The following DNM2 variants were observed in gnomAD, a reference collection of about 807,000 sequenced individuals.
DNM2 encodes dynamin-2.
Under a neutral mutation model 99.0 loss-of-function variants are expected in DNM2, and 15 were observed. The observed-to-expected ratio is 0.15, with a 90% CI of 0.10 to 0.23. The LOEUF is 0.23. DNM2 is among the 10% of genes least tolerant of loss of function. The probability of loss-of-function intolerance (pLI) is 1.00; values close to 1 mark genes in which losing one functional copy is unlikely to be tolerated. For synonymous variants in DNM2, 525 were observed against 481.2 expected, an observed-to-expected ratio of 1.09 and a Z score of -1.19; for missense variants, 742 against 1,189.4, an observed-to-expected ratio of 0.62 and a Z score of 5.53.
intron 2 of DNM2, among the ~76,000 whole-genome samples, chr19:10,766,907 G>A (rs1185751796): frequency 1.3e-5 from 2 of 152,176 alleles, no homozygotes; most frequent in African/African-American, 2.4e-5. Flanking sequence ...CCTCTCTGAG[G>A]GGGCCCGGGC....
At chr19:10,769,869 C>G (rs1478471800) in intron 2 of DNM2, among the ~76,000 whole-genome samples, 2 of 152,226 alleles carry the variant, frequency 1.3e-5, no homozygotes, top group African/African-American at 2.4e-5. Context: ...GAGTCTCCCC[C>G]TGACCCTGCA....
At chr19:10,806,086 C>G in intron 13 of DNM2, 119 bp downstream of exon 13, 1 of 1,258,278 alleles carries the variant, frequency 7.9e-7, no homozygotes, top group South Asian at 1.2e-5. Flanking sequence ...GCCTCAGTAC[C>G]AGGCCATCTG....
chr19:10,759,077 G>A (rs57503658), intron 1 of DNM2, among the ~76,000 whole-genome samples: 1 of 152,184 alleles, frequency 6.6e-6, no homozygotes, highest in African/African-American at 2.4e-5. Context: ...TAGTAGCTGG[G>A]ATCACAGGCG....
At position 10,816,817 on chromosome 19, in the gene DNM2, A is replaced by C. The variant is rs1173541070; in HGVS notation, c.1672-3163A>C. On this transcript the variant is annotated intron_variant, in intron 15 of 20. Coordinates refer to ENST00000389253, the MANE Select transcript of DNM2 (RefSeq NM_001005361.3). This position sits in a 1 kb window ranked among gnomAD's most constrained non-coding sequence, Gnocchi z 4.6. The stretch of plus-strand genomic sequence containing the variant: ...CTCTGCCTGGCAGCATTGCAAGTCT[A>C]GTTTTCAGATCTCCTCTTCCTTCAC... Among the ~76,000 whole-genome samples, 3 of 152,158 alleles carry C rather than the reference A, an allele frequency of 2.0e-5. No homozygotes were observed. Among genetic ancestry groups the C allele is most frequent in the Non-Finnish European group, 4.4e-5 (3 of 68,020 alleles).
rs61545691 is a variant in DNM2 at position 10,772,054 on chromosome 19, T to TTTTTA, written c.236-401_236-397dup. ...GACGATGATTGGGTCATTATTTTCT[T>TTTTTA]TTTTATTTTATTTTATTTTATTTTA... On this transcript the variant is annotated intron_variant, in intron 2 of 20. Coordinates refer to ENST00000389253, the MANE Select transcript of DNM2 (RefSeq NM_001005361.3). The surrounding 1 kb of genome is among the most constrained non-coding windows in gnomAD (Gnocchi z 4.9). 0.55 allele frequency among the ~76,000 whole-genome samples: 80,767 copies of TTTTTA among 146,446 alleles called. 22,537 individuals carry two copies. The highest frequency in any genetic ancestry group is 0.6 in the Admixed American group (8,766 of 14,602).
In DNM2 at chr19:10,765,906, G is replaced by T. The variant is rs1223967582; in HGVS notation, c.235+6095G>T. On this transcript the variant is annotated intron_variant, in intron 2 of 20. Coordinates refer to ENST00000389253, the MANE Select transcript of DNM2 (RefSeq NM_001005361.3). This position sits in a 1 kb window ranked among gnomAD's most constrained non-coding sequence, Gnocchi z 4.4. ...TGAGAAGATCCAGGGCAGAGCCCCAGTGTGCAAAGCACTGGGACCCTAGCC... is the reference window on the plus strand; with the variant it reads ...TGAGAAGATCCAGGGCAGAGCCCCATTGTGCAAAGCACTGGGACCCTAGCC... Among the ~76,000 whole-genome samples the T allele has an allele frequency of 6.6e-6, 1 of 152,190 alleles. No individual in the cohort carries two copies. Among genetic ancestry groups the T allele is most frequent in the Non-Finnish European group, 1.5e-5 (1 of 68,028 alleles).
intron 13 of DNM2, 90 bp from the exon 14 acceptor site, chr19:10,808,479 T>C (rs1375411902): frequency 6.8e-7 from 1 of 1,460,006 alleles, no homozygotes; most frequent in Non-Finnish European, 9.3e-7. Context: ...TTTCCTGCTT[T>C]TTCTTTGTCC....
intron 1 of DNM2, 38 bp from the exon 2 acceptor site, chr19:10,759,700 A>T (rs199640044): frequency 1.2e-4 from 194 of 1,613,076 alleles, no homozygotes; most frequent in Non-Finnish European, 1.6e-4. Context: ...CTCGATCCGG[A>T]CGCAAGAGTA....
Position 10,796,347 on chromosome 19 carries a change from G to C in DNM2, c.1196+908G>C. Reference sequence around the variant, plus strand: ...TCCGTGAACTTGGCCTCTCCCCAGAGGCTGGGGCAGGAGCATGTAGGCCTG... The same window carrying C: ...TCCGTGAACTTGGCCTCTCCCCAGACGCTGGGGCAGGAGCATGTAGGCCTG... On this transcript the variant is annotated intron_variant, in intron 9 of 20. Coordinates refer to ENST00000389253, the MANE Select transcript of DNM2 (RefSeq NM_001005361.3). This position sits in a 1 kb window ranked among gnomAD's most constrained non-coding sequence, Gnocchi z 5.6. The C allele has an allele frequency of 8.0e-7, 1 of 1,249,226 alleles. No individual in the cohort carries two copies. Among genetic ancestry groups the C allele is most frequent in the Non-Finnish European group, 1.1e-6 (1 of 876,172 alleles). The allele number at this position is 1,249,226 out of a possible 1,614,324, so 77.4% of individuals were successfully genotyped here.
rs2072938953 is a variant in DNM2, at chr19:10,820,557, G to C, written c.1781+468G>C. Among the ~76,000 whole-genome samples the C allele has an allele frequency of 6.6e-6, 1 of 152,242 alleles. No individual in the cohort carries two copies. The highest frequency in any genetic ancestry group is 2.1e-4 in the South Asian group (1 of 4,838). On this transcript the variant is annotated intron_variant, in intron 16 of 20. Coordinates refer to ENST00000389253, the MANE Select transcript of DNM2 (RefSeq NM_001005361.3). The surrounding 1 kb of genome is among the most constrained non-coding windows in gnomAD (Gnocchi z 4.3). The stretch of plus-strand genomic sequence containing the variant: ...AGCCCTGGTGGGCATGGATATGAGA[G>C]AGAAAGGCACCAATTGTGACCCTGA...
Position 10,831,302 on chromosome 19 carries a change from C to A in DNM2, c.*255C>A. ...TTTGGGGGATGGAGTCTCAGGGTGGCAGAGGGGGGACCAGAACCCTTGACA... is the reference window on the plus strand; with the variant it reads ...TTTGGGGGATGGAGTCTCAGGGTGGAAGAGGGGGGACCAGAACCCTTGACA... On this transcript the variant is annotated 3_prime_UTR_variant, in exon 21 of 21. Transcript: ENST00000389253. This position sits in a 1 kb window ranked among gnomAD's most constrained non-coding sequence, Gnocchi z 4.3. The A allele has an allele frequency of 7.8e-7, 1 of 1,275,564 alleles. No homozygotes were observed. The highest frequency in any genetic ancestry group is 4.1e-5 in the Admixed American group (1 of 24,164). 79.0% of individuals were successfully genotyped at this position (1,275,564 alleles called of 1,614,324 possible).
At chr19:10,754,800 C>G (rs1053556560) in intron 1 of DNM2, among the ~76,000 whole-genome samples, 1 of 151,966 alleles carries the variant, frequency 6.6e-6, no homozygotes, top group African/African-American at 2.4e-5. Context: ...TTATGTTGCC[C>G]AGGCTGGTCT....
At position 10,831,896 on chromosome 19, in the gene DNM2, T is replaced by G; in HGVS notation, c.*849T>G. On this transcript the variant is annotated 3_prime_UTR_variant, in exon 21 of 21. Transcript: ENST00000389253. The surrounding 1 kb of genome is among the most constrained non-coding windows in gnomAD (Gnocchi z 4.3). ...ATAAACTAAAATAAAGGGAAGACGC[T>G]GCTGGTGGCTGCTGTGTGGGCCTCT... The G allele has an allele frequency of 9.7e-7, 1 of 1,031,978 alleles. No homozygotes were observed. Among genetic ancestry groups the G allele is most frequent in the Non-Finnish European group, 1.2e-6 (1 of 857,398 alleles). 63.9% of individuals were successfully genotyped at this position (1,031,978 alleles called of 1,614,324 possible). A position where few individuals can be genotyped will look rare whatever the true frequency, so the allele number is the denominator to read the frequency against.
Position 10,734,102 on chromosome 19 carries a change from C to T in DNM2, c.161+15699C>T, listed in dbSNP as rs565495220. Among the ~76,000 whole-genome samples, 5 of 152,010 alleles carry T rather than the reference C, an allele frequency of 3.3e-5. No homozygotes were observed. The South Asian group carries it at 6.2e-4, about 19-fold the overall frequency. ...GGGATGTTGTGGCTCACACTGTAATCTCAGCACTTTGGGAGGCCAAGGTGG... is the reference window on the plus strand; with the variant it reads ...GGGATGTTGTGGCTCACACTGTAATTTCAGCACTTTGGGAGGCCAAGGTGG... On this transcript the variant is annotated intron_variant, in intron 1 of 20. Transcript: ENST00000389253.
At chr19:10,776,544 A>G (rs1371023210) in intron 4 of DNM2, among the ~76,000 whole-genome samples, 1 of 152,170 alleles carries the variant, frequency 6.6e-6, no homozygotes, top group African/African-American at 2.4e-5. Context: ...CACACATATA[A>G]CACACACGGT....
intron 1 of DNM2, among the ~76,000 whole-genome samples, chr19:10,757,143 T>C (rs982529300): frequency 1.3e-5 from 2 of 152,164 alleles, no homozygotes; most frequent in Non-Finnish European, 2.9e-5. Context: ...CTTCTAAAAC[T>C]TCAGCCCTGC....
intron 10 of DNM2, 69 bp from the exon 11 acceptor site, chr19:10,798,417 T>A: frequency 2.3e-6 from 3 of 1,289,988 alleles, no homozygotes; most frequent in Non-Finnish European, 3.3e-6. Flanking sequence ...ATTTTCTACC[T>A]GTGTGGTTCA....
rs372876881 is a variant in DNM2 at position 10,820,080 on chromosome 19, C to T, written c.1772C>T (p.Thr591Met). The change falls in exon 16 of 21, where the codon ACG becomes ATG. Residue 591 changes from threonine (T) to methionine (M), a missense_variant. Physicochemically the swap from Thr to Met is moderately conservative, Grantham distance 81. Transcript: ENST00000389253. The surrounding 1 kb of genome is among the most constrained non-coding windows in gnomAD (Gnocchi z 4.3). ...SNKHVFAIFN[T>M]EQRNVYKDLR... is the part of the protein sequence containing the mutation. ...AAGCACGTCTTCGCCATCTTCAACA[C>T]GGAGCAGAGGTGAGGGGCCCAGGGG... is the stretch of plus-strand genomic sequence containing the variant. 3.1e-5 allele frequency: 50 copies of T among 1,614,058 alleles called. No homozygotes were observed. The highest frequency in any genetic ancestry group is 3.8e-5 in the Non-Finnish European group (45 of 1,180,042).
At chr19:10,802,615 C>A in intron 12 of DNM2, 1 of 540,732 alleles carries the variant, frequency 1.8e-6, no homozygotes, top group Admixed American at 2.8e-5. Context: ...ATGTTCAGAT[C>A]TGCAGGGAGA....
Sources: gnomAD v4.1 joint callset for allele counts (sites outside exome capture counted in the v4.1 genomes callset) on GRCh38, gnomAD v4.1.1 for gene constraint, Gnocchi (gnomAD v3.1) non-coding constraint, MANE v1.5 for transcripts, NCBI Gene and HGNC (gene_info 2026-07-23, HGNC 2026-07-21) for gene names.